Variants in SH3RF3 observed in about 807,000 individuals in gnomAD.
SH3RF3 encodes SH3 domain containing ring finger 3, also known as E3 ubiquitin-protein ligase SH3RF3.
A neutral mutation model predicts 66.3 loss-of-function variants in SH3RF3; 29 were observed. The observed-to-expected ratio is 0.44, with a 90% CI of 0.33 to 0.60. The LOEUF (loss-of-function observed/expected upper bound fraction) is 0.60. Among genes scored for constraint, SH3RF3 ranks in the 20% least tolerant of loss-of-function variants. The pLI is 0.04. For missense variants in SH3RF3, 1,194 were observed against 1,190.9 expected (o/e 1.00, Z -0.04); for synonymous variants, 583 against 532.0 (o/e 1.10, Z -1.32).
At chr2:109,447,186 G>T (rs371298445) in intron 7 of SH3RF3, among the ~76,000 whole-genome samples, 1 of 128,172 alleles carries the variant, frequency 7.8e-6, no homozygotes. Flanking sequence ...AAAAGAAAAA[G>T]AAAACAGAAA....
chr2:109,211,923 G>A (rs1462927303), intron 1 of SH3RF3, among the ~76,000 whole-genome samples: 1 of 152,240 alleles, frequency 6.6e-6, no homozygotes, highest in African/African-American at 2.4e-5. Context: ...GATTACAGGT[G>A]TGAGACACCG....
At chr2:109,443,794 T>C (rs538543920) in intron 7 of SH3RF3, among the ~76,000 whole-genome samples, 73 of 152,312 alleles carry the variant, frequency 4.8e-4, no homozygotes, top group Middle Eastern at 3.4e-3. Context: ...AATCTACAAT[T>C]ATGGTCAGAG....
chr2:109,144,690 G>A (rs1677050640), intron 1 of SH3RF3, among the ~76,000 whole-genome samples: 1 of 152,204 alleles, frequency 6.6e-6, no homozygotes, highest in Non-Finnish European at 1.5e-5. Flanking sequence ...CCACTGCACT[G>A]GGTCCAGGTT....
chr2:109,232,313 G>A (rs1215511819), intron 1 of SH3RF3, among the ~76,000 whole-genome samples: 1 of 152,156 alleles, frequency 6.6e-6, no homozygotes, highest in African/African-American at 2.4e-5. Flanking sequence ...ATCCTAGAAG[G>A]ATCATTTTTT....
intron 1 of SH3RF3, among the ~76,000 whole-genome samples, chr2:109,214,863 C>A (rs534936378): frequency 6.6e-6 from 1 of 152,288 alleles, no homozygotes; most frequent in East Asian, 1.9e-4. Flanking sequence ...GTGACGCGGA[C>A]AGCAGTGTTT....
At chr2:109,324,026 T>C (rs1418821975) in intron 1 of SH3RF3, among the ~76,000 whole-genome samples, 1 of 152,204 alleles carries the variant, frequency 6.6e-6, no homozygotes, top group Non-Finnish European at 1.5e-5. Flanking sequence ...TGTGGATCTT[T>C]CTTTCTGGAC....
rs1388422903 is a variant in SH3RF3, at chr2:109,450,705, A to G, written c.2148+1216A>G. Among the ~76,000 whole-genome samples the G allele has an allele frequency of 2.6e-5, 4 of 152,294 alleles. No homozygotes were observed. In the South Asian group the frequency reaches 8.3e-4, roughly 32 times the overall value. ...TTTTTGGAAGCCCATGTGAAATCCAATAAGCAATTCTCCAGGGCTCAGGGC... is the reference window on the plus strand; with the variant it reads ...TTTTTGGAAGCCCATGTGAAATCCAGTAAGCAATTCTCCAGGGCTCAGGGC... On this transcript the variant is annotated intron_variant, in intron 8 of 9. Transcript: ENST00000309415.
intron 1 of SH3RF3, among the ~76,000 whole-genome samples, chr2:109,211,830 A>T (rs887033939): frequency 9.2e-5 from 14 of 152,056 alleles, no homozygotes; most frequent in Non-Finnish European, 1.8e-4. Context: ...TTTAGGAGAG[A>T]CAGGGTTTCC....
chr2:109,297,937 C>G (rs183119667), intron 1 of SH3RF3, among the ~76,000 whole-genome samples: 24 of 152,208 alleles, frequency 1.6e-4, no homozygotes, highest in South Asian at 8.3e-4. Context: ...GTGTTCCCCC[C>G]CCACCACCAG....
chr2:109,346,830 T>G (rs1241096947), intron 1 of SH3RF3, among the ~76,000 whole-genome samples: 1 of 152,182 alleles, frequency 6.6e-6, no homozygotes, highest in African/African-American at 2.4e-5. Flanking sequence ...TACAAGAACA[T>G]CACTGTTAGG....
intron 1 of SH3RF3, among the ~76,000 whole-genome samples, chr2:109,140,674 C>G (rs1253818589): frequency 6.6e-6 from 1 of 152,196 alleles, no homozygotes; most frequent in African/African-American, 2.4e-5. Flanking sequence ...AGCCACCATG[C>G]CCGGCCAATT....
intron 5 of SH3RF3, among the ~76,000 whole-genome samples, chr2:109,430,829 A>G (rs1227990480): frequency 6.6e-6 from 1 of 152,126 alleles, no homozygotes; most frequent in African/African-American, 2.4e-5. Context: ...TTTCACTGTC[A>G]GTGTTCACCA....
In SH3RF3 at chr2:109,398,570, C is replaced by A. The variant is rs191354318; in HGVS notation, c.946-20C>A. ...TGACCATGATTTAATGCAGCCTCCC[C>A]TCTCCCCTTTCTCACTCAGCTCAAT... On this transcript the variant is annotated intron_variant, in intron 3 of 9. Coordinates refer to ENST00000309415, the MANE Select transcript of SH3RF3 (RefSeq NM_001099289.3). The A allele has an allele frequency of 2.1e-4, 324 of 1,531,082 alleles. No individual in the cohort carries two copies. In the African/African-American group the frequency reaches 3.7e-3, roughly 17 times the overall value. 94.8% of individuals were successfully genotyped at this position (1,531,082 alleles called of 1,614,324 possible).
At chr2:109,477,453 A>G (rs985013769) in intron 8 of SH3RF3, among the ~76,000 whole-genome samples, 1 of 152,236 alleles carries the variant, frequency 6.6e-6, no homozygotes, top group Admixed American at 6.5e-5. Flanking sequence ...AAACGGGCAT[A>G]GAGTTCTCCC....
intron 8 of SH3RF3, among the ~76,000 whole-genome samples, chr2:109,478,660 A>C (rs2104754880): frequency 6.6e-6 from 1 of 152,166 alleles, no homozygotes; most frequent in African/African-American, 2.4e-5. Flanking sequence ...TCCATCCCAC[A>C]CTTGTTTATC....
chr2:109,170,548 G>A (rs1677754549), intron 1 of SH3RF3, among the ~76,000 whole-genome samples: 1 of 151,982 alleles, frequency 6.6e-6, no homozygotes, highest in Non-Finnish European at 1.5e-5. Flanking sequence ...GTTTCACTAT[G>A]TTGGCCAGGA....
chr2:109,174,130 T>C (rs1256148141), intron 1 of SH3RF3, among the ~76,000 whole-genome samples: 2 of 152,198 alleles, frequency 1.3e-5, no homozygotes, highest in Non-Finnish European at 2.9e-5. Flanking sequence ...GGCTGTGCCA[T>C]AGGGCAGAGC....
At chr2:109,219,220 G>T (rs1212178694) in intron 1 of SH3RF3, among the ~76,000 whole-genome samples, 1 of 152,226 alleles carries the variant, frequency 6.6e-6, no homozygotes, top group Non-Finnish European at 1.5e-5. Flanking sequence ...TTCCATGAGA[G>T]AATGTATTTG....
At chr2:109,465,339 T>TTAGGAGTATG (rs1236309004) in intron 8 of SH3RF3, among the ~76,000 whole-genome samples, 3 of 152,200 alleles carry the variant, frequency 2.0e-5, no homozygotes, top group African/African-American at 7.2e-5. Context: ...AAAGGAGATT[T>TTAGGAGTATG]TAGGAGTATG....
Sources: gnomAD v4.1 joint callset for allele counts (sites outside exome capture counted in the v4.1 genomes callset) on GRCh38, gnomAD v4.1.1 for gene constraint, MANE v1.5 for transcripts, NCBI Gene and HGNC (gene_info 2026-07-23, HGNC 2026-07-21) for gene names.